Variants in USP36 observed in about 807,000 individuals in gnomAD.
USP36 encodes ubiquitin carboxyl-terminal hydrolase 36.
Under a neutral mutation model 111.5 loss-of-function variants are expected in USP36, and 59 were observed. The observed-to-expected ratio is 0.53, with a 90% CI of 0.43 to 0.66. The LOEUF is 0.66. Among genes scored for constraint, USP36 ranks in the 30% least tolerant of loss-of-function variants. The pLI is 0.00. For missense variants in USP36, 1,488 were observed against 1,468.0 expected (o/e 1.01, Z -0.22); for synonymous variants, 628 against 581.0 (o/e 1.08, Z -1.16).
intron 7 of USP36, 64 bp downstream of exon 7, chr17:78,821,871 CTT>C: frequency 6.3e-7 from 1 of 1,590,680 alleles, no homozygotes; most frequent in South Asian, 1.1e-5. Context: ...CGTTCCAACT[CTT>C]AGGGTTTCCT....
rs767000837 is a variant in USP36, at chr17:78,802,352, C to T, written c.2994G>A (p.Ala998=). 3 of 1,594,846 alleles carry T rather than the reference C, an allele frequency of 1.9e-6. No individual in the cohort carries two copies. Among genetic ancestry groups the T allele is most frequent in the Non-Finnish European group, 1.7e-6 (2 of 1,170,950 alleles). ...VPESSSCAPS[A]NGWCPGDRMG... is the part of the protein sequence containing the mutation. The stretch of plus-strand genomic sequence containing the variant: ...TGCGGTCCCCAGGACACCAGCCATT[C>T]GCGGATGGTGCGCAGCTGCTGGACT... Residue 998 remains alanine, a synonymous_variant, in exon 17 of 21, where the codon GCG becomes GCA. Coordinates refer to ENST00000449938, the MANE Select transcript of USP36 (RefSeq NM_001385174.1).
At chr17:78,831,886 T>C (rs2068150246) in intron 4 of USP36, among the ~76,000 whole-genome samples, 1 of 140,054 alleles carries the variant, frequency 7.1e-6, no homozygotes, top group Non-Finnish European at 1.5e-5. Flanking sequence ...GAGGTTGCAG[T>C]CAGCTATGAT....
intron 8 of USP36, among the ~76,000 whole-genome samples, chr17:78,820,643 G>C (rs1316790874): frequency 6.6e-6 from 1 of 152,144 alleles, no homozygotes; most frequent in Non-Finnish European, 1.5e-5. Flanking sequence ...CAAAGCCAAG[G>C]CTGCTCTCCC....
Position 78,827,360 on chromosome 17 carries a change from G to T in USP36, c.587-13C>A. ...TGTCGGGCGATCTCTAAAAGAGGAA[G>T]AAACAGGGAGGGAAGAGCTCGTGTC... is the stretch of plus-strand genomic sequence containing the variant. On this transcript the variant is annotated splice_polypyrimidine_tract_variant and intron_variant, in intron 5 of 20. Coordinates refer to ENST00000449938, the MANE Select transcript of USP36 (RefSeq NM_001385174.1). 6.2e-7 allele frequency: 1 copy of T among 1,603,202 alleles called. No individual in the cohort carries two copies. Among genetic ancestry groups the T allele is most frequent in the Non-Finnish European group, 8.5e-7 (1 of 1,172,600 alleles).
intron 4 of USP36, among the ~76,000 whole-genome samples, chr17:78,831,225 C>CAAAA (rs33980218): frequency 7.4e-5 from 1 of 13,530 alleles, no homozygotes. Flanking sequence ...AACTCCATCT[C>CAAAA]AAAAAAAAAA....
At chr17:78,812,828 G>A in intron 13 of USP36, 32 bp downstream of exon 13, 1 of 1,609,982 alleles carries the variant, frequency 6.2e-7, no homozygotes, top group Non-Finnish European at 8.5e-7. Context: ...ACCAAGACCA[G>A]CCACTTTGGC....
intron 4 of USP36, among the ~76,000 whole-genome samples, chr17:78,831,108 C>T (rs2068046062): frequency 6.6e-6 from 1 of 151,380 alleles, no homozygotes; most frequent in Non-Finnish European, 1.5e-5. Context: ...TGCCTGTAGT[C>T]CCAGCTACTC....
rs750457985 is a variant in USP36, at chr17:78,836,268, G to A, written c.96C>T (p.Ala32=). ...GELGKLLASS[A]KKVLLQKIEF... is the part of the protein sequence containing the mutation. The stretch of plus-strand genomic sequence containing the variant: ...CGATTTTCTGTAAAAGGACCTTCTT[G>A]GCAGAGGAGGCAAGAAGCTTCCCCA... The change falls in exon 3 of 21, where the codon GCC becomes GCT. Residue 32 remains alanine, a synonymous_variant. Transcript: ENST00000449938. The A allele has an allele frequency of 1.2e-6, 2 of 1,614,050 alleles. No individual in the cohort carries two copies. The highest frequency in any genetic ancestry group is 1.7e-6 in the Non-Finnish European group (2 of 1,180,032).
In USP36 at chr17:78,807,507, A is replaced by T. The variant is rs768662830; in HGVS notation, c.1537T>A (p.Ser513Thr). 1 of 1,613,398 alleles carries T rather than the reference A, an allele frequency of 6.2e-7. No individual in the cohort carries two copies. The highest frequency in any genetic ancestry group is 1.3e-5 in the African/African-American group (1 of 74,850). The change falls in exon 14 of 21, where the codon TCC (serine) becomes ACC (threonine). Residue 513 changes from serine to threonine, a missense_variant. Transcript: ENST00000449938. ...GTCTGGGAGAGTTTGGGGGAAGGGG[A>T]CCCCGAGGGCAGCTTTGGAGGAATG... Reference protein sequence around the residue: ...GCIPPKLPSGSPSPKLSQTPT... With the variant: ...GCIPPKLPSGTPSPKLSQTPT...
chr17:78,820,083 T>C, intron 8 of USP36, 71 bp from the exon 9 acceptor site: 2 of 1,538,790 alleles, frequency 1.3e-6, no homozygotes, highest in Non-Finnish European at 1.8e-6. Context: ...ATGCCAAATT[T>C]AAGGTCTTTT....
intron 4 of USP36, among the ~76,000 whole-genome samples, chr17:78,831,004 A>ATCC (rs2068033810): frequency 6.6e-6 from 1 of 151,924 alleles, no homozygotes; most frequent in African/African-American, 2.4e-5. Context: ...AGGCAGGTGG[A>ATCC]TCGCGAGGTC....
chr17:78,830,329 CAT>C (rs2067971787), intron 4 of USP36, among the ~76,000 whole-genome samples: 2 of 152,240 alleles, frequency 1.3e-5, no homozygotes, highest in Non-Finnish European at 2.9e-5. Flanking sequence ...TGTTGCTAGA[CAT>C]AGCTCCAGTT....
At chr17:78,815,918 GCA>G (rs931945439) in intron 10 of USP36, among the ~76,000 whole-genome samples, 30 of 151,474 alleles carry the variant, frequency 2.0e-4, no homozygotes, top group Admixed American at 1.5e-3. Context: ...ACATGCATAC[GCA>G]CACATACACA....
rs754797798 is a variant in USP36 at position 78,798,928 on chromosome 17, C to T, written c.3220G>A (p.Glu1074Lys). 12 of 1,614,014 alleles carry T rather than the reference C, an allele frequency of 7.4e-6. No individual in the cohort carries two copies. The highest frequency in any genetic ancestry group is 2.2e-5 in the East Asian group (1 of 44,890). The change falls in exon 19 of 21, where the codon GAA (glutamate) becomes AAA (lysine). Residue 1074 changes from glutamate (E) to lysine (K), a missense_variant. Transcript: ENST00000449938. This position sits in a 1 kb window ranked among gnomAD's most constrained non-coding sequence, Gnocchi z 5.1. ...CATACCTTCCCTCGGTCAAACTCTTCGTCCCAGTCATCAACCACGGTCTCA... is the reference window on the plus strand; with the variant it reads ...CATACCTTCCCTCGGTCAAACTCTTTGTCCCAGTCATCAACCACGGTCTCA... ...RTETVVDDWD[E>K]EFDRGKEKKI...
intron 4 of USP36, among the ~76,000 whole-genome samples, chr17:78,831,989 C>T (rs2068171964): frequency 1.4e-5 from 2 of 147,298 alleles, no homozygotes; most frequent in South Asian, 4.4e-4. Flanking sequence ...TAAAATATCA[C>T]TCTTAACAGG....
rs1443350441 is a variant in USP36, at chr17:78,827,364, CAG to C, written c.587-19_587-18del. 6.9e-6 allele frequency: 11 copies of C among 1,601,280 alleles called. 1 individual carries two copies. Among genetic ancestry groups the C allele is most frequent in the South Asian group, 6.7e-5 (6 of 89,548 alleles). On this transcript the variant is annotated intron_variant, in intron 5 of 20. Coordinates refer to ENST00000449938, the MANE Select transcript of USP36 (RefSeq NM_001385174.1). The stretch of plus-strand genomic sequence containing the variant: ...GGGCGATCTCTAAAAGAGGAAGAAA[CAG>C]GGAGGGAAGAGCTCGTGTCTTCTCA...
chr17:78,818,957 G>A, intron 9 of USP36, 179 bp from the exon 10 acceptor site: 1 of 571,662 alleles, frequency 1.7e-6, no homozygotes, highest in South Asian at 2.1e-5. Context: ...GTAAAGGAAA[G>A]CTACCACAGG....
At chr17:78,838,964 C>T (rs1359699276) in intron 1 of USP36, among the ~76,000 whole-genome samples, 4 of 152,138 alleles carry the variant, frequency 2.6e-5, no homozygotes, top group Non-Finnish European at 4.4e-5. Flanking sequence ...TTAACCTTGA[C>T]CCCAGACAAG....
rs2093639349 is a variant in USP36 at position 78,797,012 on chromosome 17, A to T, written c.*888T>A. On this transcript the variant is annotated 3_prime_UTR_variant, in exon 21 of 21. Transcript: ENST00000449938. Reference sequence around the variant, plus strand: ...AGCACTCACAAAATTGAGCAAACAAAGCCACTATTTGCATATTTGGGAAAG... The same window carrying T: ...AGCACTCACAAAATTGAGCAAACAATGCCACTATTTGCATATTTGGGAAAG... 6.6e-6 allele frequency: 1 copy of T among 152,252 alleles called. No individual in the cohort carries two copies. Among genetic ancestry groups the T allele is most frequent in the Non-Finnish European group, 1.5e-5 (1 of 68,050 alleles). The allele number at this position is 152,252 out of a possible 1,614,324, so 9.4% of individuals were successfully genotyped here.
Sources: allele counts gnomAD v4.1 joint callset (sites outside exome capture counted in the v4.1 genomes callset), GRCh38; gene constraint gnomAD v4.1.1; non-coding constraint Gnocchi (gnomAD v3.1); transcripts MANE v1.5; gene names NCBI Gene and HGNC (gene_info 2026-07-23, HGNC 2026-07-21).